C6: variants seen among roughly 807,000 people sequenced by gnomAD.
C6 encodes the protein complement component C6.
A neutral mutation model predicts 112.9 loss-of-function variants in C6; 101 were observed. The ratio of observed to expected loss-of-function variants is 0.89; its 90% confidence interval spans 0.76 to 1.06. The LOEUF (loss-of-function observed/expected upper bound fraction) is 1.06. Ranked by LOEUF, C6 falls within the 50% of genes least tolerant of loss-of-function variation. C6 has a pLI of 0.00. For synonymous variants in C6, 431 were observed against 384.1 expected, an observed-to-expected ratio of 1.12 and a Z score of -1.43; for missense variants, 1,202 against 1,104.6, an observed-to-expected ratio of 1.09 and a Z score of -1.25.
intron 7 of C6, among the ~76,000 whole-genome samples, chr5:41,178,022 A>C (rs1748997073): frequency 6.6e-6 from 1 of 152,134 alleles, no homozygotes; most frequent in African/African-American, 2.4e-5. Context: ...AGGTTTCTTT[A>C]AGGTCTCAGT....
At chr5:41,243,460 T>C (rs1740849682) in intron 1 of C6, among the ~76,000 whole-genome samples, 1 of 152,244 alleles carries the variant, frequency 6.6e-6, no homozygotes, top group Non-Finnish European at 1.5e-5. Flanking sequence ...ACTTGTGTAG[T>C]GCTTCATAAT....
At chr5:41,151,863 A>G (rs1045531415) in intron 15 of C6, among the ~76,000 whole-genome samples, 1 of 152,250 alleles carries the variant, frequency 6.6e-6, no homozygotes, top group African/African-American at 2.4e-5. Context: ...GATAAGGAAA[A>G]AAAAAAAAAG....
upstream of C6, chr5:41,213,670 T>C: frequency 1.1e-5 from 4 of 362,280 alleles, no homozygotes; most frequent in Non-Finnish European, 1.5e-5. Flanking sequence ...GAGTTTTCAA[T>C]TCAAGGGCTA....
chr5:41,227,496 T>C (rs1202601794), intron 1 of C6, among the ~76,000 whole-genome samples: 1 of 152,128 alleles, frequency 6.6e-6, no homozygotes, highest in African/African-American at 2.4e-5. Flanking sequence ...TTGTTGCCTG[T>C]GCTTTTGGGG....
chr5:41,246,172 A>G (rs1293220629), intron 1 of C6, among the ~76,000 whole-genome samples: 3 of 152,148 alleles, frequency 2.0e-5, no homozygotes, highest in Non-Finnish European at 2.9e-5. Context: ...TTTTAGTCCC[A>G]GTCTAAAAGT....
intron 1 of C6, among the ~76,000 whole-genome samples, chr5:41,244,031 C>T (rs934395000): frequency 2.6e-4 from 40 of 152,186 alleles, no homozygotes; most frequent in African/African-American, 9.4e-4. Flanking sequence ...GGATCACCAT[C>T]CATGTAAACT....
intron 11 of C6, 38 bp from the exon 12 acceptor site, chr5:41,159,291 G>C: frequency 6.2e-7 from 1 of 1,604,998 alleles, no homozygotes; most frequent in South Asian, 1.1e-5. Flanking sequence ...GGATCATGGT[G>C]CAGCTGAATT....
At chr5:41,226,663 G>C (rs11949976) in intron 1 of C6, among the ~76,000 whole-genome samples, 81,158 of 151,972 alleles carry the variant, frequency 0.53, 24,150 homozygotes, top group South Asian at 0.67. Flanking sequence ...TGCTTCTGCG[G>C]GTTCTACTTT....
chr5:41,209,215 G>A lies in C6; in HGVS notation c.-21+4161C>T, dbSNP rs566003399. 2.7e-4 allele frequency among the ~76,000 whole-genome samples: 41 copies of A among 152,118 alleles called. 1 individual carries two copies. The highest frequency in any genetic ancestry group is 1.0e-4 in the Non-Finnish European group (7 of 68,028). On this transcript the variant is annotated intron_variant, in intron 1 of 17. Transcript: ENST00000337836. ...TCAATAAACTAGGTATTGATGGGAT[G>A]TATCTCAAAATAATAAGAGCTATTT...
At chr5:41,163,973 T>C (rs1227633391) in intron 9 of C6, among the ~76,000 whole-genome samples, 7 of 152,122 alleles carry the variant, frequency 4.6e-5, no homozygotes, top group Admixed American at 3.9e-4. Context: ...GAATCTTCTA[T>C]ATGTCAGGCC....
At chr5:41,187,239 A>C (rs1749845567) in intron 5 of C6, among the ~76,000 whole-genome samples, 2 of 152,074 alleles carry the variant, frequency 1.3e-5, no homozygotes, top group Admixed American at 1.3e-4. Flanking sequence ...ATCCCTTCTG[A>C]TAGTTGTGGG....
At chr5:41,144,249 T>C (rs1745605631) in intron 17 of C6, among the ~76,000 whole-genome samples, 1 of 152,124 alleles carries the variant, frequency 6.6e-6, no homozygotes, top group Admixed American at 6.6e-5. Context: ...AACATAACCA[T>C]ATTCTGATCT....
rs73074076 is a variant in C6 at position 41,231,592 on chromosome 5, A to C, written c.-20-28342T>G. 2.8e-4 allele frequency among the ~76,000 whole-genome samples: 42 copies of C among 152,176 alleles called. 1 individual carries two copies. The East Asian group carries it at 7.7e-3, about 28-fold the overall frequency. On this transcript the variant is annotated intron_variant, in intron 1 of 17. Coordinates refer to the C6 transcript ENST00000263413. ...ATCTAGTTTGTTTTTAATAGGTTATAGTTTTCATTTTGGGGTTTGTTTTAT... is the reference window on the plus strand; with the variant it reads ...ATCTAGTTTGTTTTTAATAGGTTATCGTTTTCATTTTGGGGTTTGTTTTAT...
chr5:41,236,364 G>A (rs1740302631), intron 1 of C6, among the ~76,000 whole-genome samples: 1 of 150,328 alleles, frequency 6.7e-6, no homozygotes, highest in South Asian at 2.1e-4. Context: ...TTTTTCTCAG[G>A]TTTGTCAAAG....
chr5:41,238,515 C>T (rs569432875), intron 1 of C6, among the ~76,000 whole-genome samples: 9 of 152,150 alleles, frequency 5.9e-5, no homozygotes, highest in Admixed American at 4.6e-4. Flanking sequence ...AGTCTATTCA[C>T]ACCAGAAGCG....
At chr5:41,249,832 A>G (rs1741235259) in intron 1 of C6, among the ~76,000 whole-genome samples, 1 of 152,232 alleles carries the variant, frequency 6.6e-6, no homozygotes, top group South Asian at 2.1e-4. Flanking sequence ...AATCCATACT[A>G]TGGACAGAAT....
intron 17 of C6, among the ~76,000 whole-genome samples, chr5:41,143,523 G>A (rs1385916062): frequency 3.3e-5 from 5 of 152,162 alleles, no homozygotes; most frequent in Admixed American, 2.0e-4. Context: ...AGCATGTACT[G>A]TGAAGCCACA....
intron 1 of C6, among the ~76,000 whole-genome samples, chr5:41,229,419 G>T (rs1739741649): frequency 1.3e-5 from 2 of 148,406 alleles, no homozygotes; most frequent in African/African-American, 2.5e-5. Flanking sequence ...TTTTCTTTTT[G>T]ATTTCTTCTT....
chr5:41,172,776 C>T (rs1022167151), intron 8 of C6: 2 of 197,290 alleles, frequency 1.0e-5, no homozygotes, highest in African/African-American at 4.6e-5. Flanking sequence ...TTCTCTACTC[C>T]AAGACCTACT....
Sources: allele counts gnomAD v4.1 joint callset (sites outside exome capture counted in the v4.1 genomes callset), GRCh38; gene constraint gnomAD v4.1.1; transcripts MANE v1.5; gene names NCBI Gene and HGNC (gene_info 2026-07-23, HGNC 2026-07-21).